Variants in PSMD8 observed in about 807,000 individuals in gnomAD.
PSMD8 encodes the protein 26S proteasome non-ATPase regulatory subunit 8.
In PSMD8, 30 loss-of-function variants were observed where a neutral mutation model predicts 40.0. The observed-to-expected ratio is 0.75, with a 90% CI of 0.56 to 1.02. The LOEUF is 1.02. PSMD8 is among the 50% of genes least tolerant of loss of function. PSMD8 has a pLI of 0.00. For missense variants in PSMD8, 461 were observed against 463.9 expected (o/e 0.99, Z 0.06); for synonymous variants, 208 against 192.5 (o/e 1.08, Z -0.67).
rs2145131812 is a variant in PSMD8 at position 38,383,797 on chromosome 19, G to C, written c.*407G>C. ...GTCCTACTAAAAAGAATAAATGTTGGCAGTGAATTAAACAATTTTTCAAAT... is the reference window on the plus strand; with the variant it reads ...GTCCTACTAAAAAGAATAAATGTTGCCAGTGAATTAAACAATTTTTCAAAT... On this transcript the variant is annotated 3_prime_UTR_variant, in exon 7 of 7. Transcript: ENST00000215071. 1 of 193,798 alleles carries C rather than the reference G, an allele frequency of 5.2e-6. No individual in the cohort carries two copies. 12.0% of individuals were successfully genotyped at this position (193,798 alleles called of 1,614,324 possible).
rs1293194676 is a variant in PSMD8, at chr19:38,374,867, A to G, written c.266A>G (p.Gln89Arg). 2 of 1,585,578 alleles carry G rather than the reference A, an allele frequency of 1.3e-6. No individual in the cohort carries two copies. The highest frequency in any genetic ancestry group is 3.4e-5 in the Admixed American group (2 of 58,164). ...GCGGCAACCTCGGGCGCTGTTCTGC[A>G]GGCCGCGACCGGCATGTACGAGCAA... ...GPAATSGAVL[Q>R]AATGMYEQLK... Residue 89 changes from glutamine to arginine, a missense_variant, in exon 1 of 7, where the codon CAG (glutamine) becomes CGG (arginine). By Grantham distance (43) the Gln-to-Arg change is conservative (BLOSUM62 1). Transcript: ENST00000215071.
chr19:38,380,237 G>T (rs1165653723), intron 4 of PSMD8, among the ~76,000 whole-genome samples: 1 of 152,218 alleles, frequency 6.6e-6, no homozygotes, highest in Non-Finnish European at 1.5e-5. Context: ...AGTGAGCCAA[G>T]ATTGTGCCAT....
At chr19:38,376,062 T>A in intron 1 of PSMD8, 98 bp from the exon 2 acceptor site, 1 of 1,231,418 alleles carries the variant, frequency 8.1e-7, no homozygotes, top group Non-Finnish European at 1.2e-6. Flanking sequence ...GATGGTTAGC[T>A]CCATTTTCCA....
At chr19:38,378,659 A>G (rs1312905325) in intron 3 of PSMD8, among the ~76,000 whole-genome samples, 1 of 147,336 alleles carries the variant, frequency 6.8e-6, no homozygotes, top group African/African-American at 2.5e-5. Context: ...TCGGAATTGA[A>G]AAAAAAAAAA....
At chr19:38,382,315 C>G (rs1196899752) in intron 6 of PSMD8, 87 bp downstream of exon 6, 2 of 1,028,940 alleles carry the variant, frequency 1.9e-6, no homozygotes, top group Non-Finnish European at 1.5e-6. Flanking sequence ...GACACTGGAA[C>G]AAGACTGCCC....
intron 1 of PSMD8, among the ~76,000 whole-genome samples, chr19:38,375,739 G>C (rs1970592215): frequency 6.6e-6 from 1 of 152,156 alleles, no homozygotes; most frequent in Admixed American, 6.5e-5. Flanking sequence ...ACAAGCTGCT[G>C]AGCCTGCTAA....
At chr19:38,381,510 C>T (rs746815147) in intron 5 of PSMD8, among the ~76,000 whole-genome samples, 3 of 152,182 alleles carry the variant, frequency 2.0e-5, no homozygotes, top group African/African-American at 4.8e-5. Flanking sequence ...CTGATGCACT[C>T]GGGCAGAGCA....
chr19:38,382,550 G>C, intron 6 of PSMD8: 1 of 544,430 alleles, frequency 1.8e-6, no homozygotes, highest in East Asian at 3.0e-5. Flanking sequence ...GTTTGAGCAC[G>C]AGCAACGCTT....
intron 3 of PSMD8, 58 bp from the exon 4 acceptor site, chr19:38,379,182 G>A (rs1970620273): frequency 6.5e-7 from 1 of 1,544,046 alleles, no homozygotes. Context: ...GCCTGGGGTA[G>A]AGGGCTCGCT....
chr19:38,382,278 T>A, intron 6 of PSMD8, 50 bp downstream of exon 6: 14 of 1,422,918 alleles, frequency 9.8e-6, no homozygotes, highest in Non-Finnish European at 1.4e-5. Flanking sequence ...GTGAAGTCAC[T>A]AACAACAGTG....
intron 6 of PSMD8, 82 bp downstream of exon 6, chr19:38,382,310 TGGAACAA>T: frequency 8.9e-7 from 1 of 1,117,730 alleles, no homozygotes; most frequent in Non-Finnish European, 1.3e-6. Context: ...AGAGGGACAC[TGGAACAA>T]GACTGCCCAG....
Position 38,374,644 on chromosome 19 carries a change from C to A in PSMD8, c.43C>A (p.Arg15=). 1.3e-6 allele frequency: 2 copies of A among 1,513,734 alleles called. No individual in the cohort carries two copies. The highest frequency in any genetic ancestry group is 1.8e-6 in the Non-Finnish European group (2 of 1,138,330). The allele number at this position is 1,513,734 out of a possible 1,614,324, so 93.8% of individuals were successfully genotyped here. A position where few individuals can be genotyped will look rare whatever the true frequency, so the allele number is the denominator to read the frequency against. The part of the protein sequence containing the change: ...GRAPRAPPRE[R]RRATRGGLRQ... The stretch of plus-strand genomic sequence containing the variant: ...GGCTCCGAGGGCGCCACCTCGAGAG[C>A]GACGGCGGGCTACCCGGGGCGGGCT... Residue 15 remains arginine (R), a synonymous_variant, in exon 1 of 7, where the codon CGA becomes AGA. Coordinates refer to ENST00000215071, the MANE Select transcript of PSMD8 (RefSeq NM_002812.5).
Position 38,376,350 on chromosome 19 carries a change from A to T in PSMD8, c.434-2A>T. 2 of 1,547,318 alleles carry T rather than the reference A, an allele frequency of 1.3e-6. No homozygotes were observed. The highest frequency in any genetic ancestry group is 1.8e-6 in the Non-Finnish European group (2 of 1,142,526). The stretch of plus-strand genomic sequence containing the variant: ...CCTGAGAGCTCACTCTGTCACCCAC[A>T]GGTGACATACTGGAGATCGGGGCCC... On this transcript the variant is annotated splice_acceptor_variant, in intron 2 of 6. Transcript: ENST00000215071. LOFTEE classifies it high-confidence loss of function.
intron 3 of PSMD8, among the ~76,000 whole-genome samples, chr19:38,377,623 A>G (rs1175799232): frequency 1.9e-4 from 29 of 151,718 alleles, no homozygotes. Flanking sequence ...CAGTCTCCCA[A>G]GTAGCTGGGA....
intron 3 of PSMD8, among the ~76,000 whole-genome samples, chr19:38,379,006 C>T (rs932065244): frequency 1.3e-5 from 2 of 152,108 alleles, no homozygotes; most frequent in East Asian, 1.9e-4. Context: ...TTTGGGAAAC[C>T]GAGGTTGTCA....
chr19:38,379,207 TC>T, intron 3 of PSMD8, 32 bp from the exon 4 acceptor site: 1 of 1,607,594 alleles, frequency 6.2e-7, no homozygotes, highest in East Asian at 2.2e-5. Context: ...CCTTAAATCC[TC>T]CTTAACCTGC....
Position 38,383,393 on chromosome 19 carries a change from C to T in PSMD8, c.*3C>T, listed in dbSNP as rs538612767. 1 of 1,613,936 alleles carries T rather than the reference C, an allele frequency of 6.2e-7. No individual in the cohort carries two copies. The highest frequency in any genetic ancestry group is 1.3e-5 in the African/African-American group (1 of 75,030). On this transcript the variant is annotated 3_prime_UTR_variant, in exon 7 of 7. Coordinates refer to ENST00000215071, the MANE Select transcript of PSMD8 (RefSeq NM_002812.5). Reference sequence around the variant, plus strand: ...GGCAGCTGGAGATGATCGTCTGAGCCCCCCGGGCACTGGGTGGGGCAGGGC... The same window carrying T: ...GGCAGCTGGAGATGATCGTCTGAGCTCCCCGGGCACTGGGTGGGGCAGGGC...
At chr19:38,375,795 C>T (rs1329481312) in intron 1 of PSMD8, among the ~76,000 whole-genome samples, 3 of 152,074 alleles carry the variant, frequency 2.0e-5, no homozygotes, top group Non-Finnish European at 4.4e-5. Context: ...TGGACCTCCC[C>T]CTCCCAGATA....
rs1260953111 is a variant in PSMD8, at chr19:38,383,636, G to A, written c.*246G>A. ...ATTGCTCAGGGTCTCAAACATGGAC[G>A]CCCACTGTGGGGCCCCAGCAGCACT... On this transcript the variant is annotated 3_prime_UTR_variant, in exon 7 of 7. Transcript: ENST00000215071. 9.1e-6 allele frequency: 5 copies of A among 546,528 alleles called. No individual in the cohort carries two copies. Among genetic ancestry groups the A allele is most frequent in the South Asian group, 2.1e-5 (1 of 47,304 alleles). The allele number at this position is 546,528 out of a possible 1,614,324, so 33.9% of individuals were successfully genotyped here.
Sources: allele counts gnomAD v4.1 joint callset (sites outside exome capture counted in the v4.1 genomes callset), GRCh38; gene constraint gnomAD v4.1.1; transcripts MANE v1.5; gene names NCBI Gene and HGNC (gene_info 2026-07-23, HGNC 2026-07-21).